The following PEBP4 variants were observed in gnomAD, a reference collection of about 807,000 sequenced individuals.
PEBP4 encodes phosphatidylethanolamine binding protein 4.
A neutral mutation model predicts 23.9 loss-of-function variants in PEBP4; 22 were observed. That is an observed-to-expected ratio of 0.92 (90% CI 0.66 to 1.31). PEBP4 has a LOEUF of 1.31. PEBP4 is among the 40% of genes most tolerant of loss of function. The probability of loss-of-function intolerance (pLI) is 0.00; values close to 1 mark genes in which losing one functional copy is unlikely to be tolerated. For synonymous variants in PEBP4, 112 were observed against 99.3 expected (o/e 1.13, Z -0.76); for missense variants, 324 against 281.7 (o/e 1.15, Z -1.07).
At chr8:22,888,464 G>A (rs887349400) in intron 3 of PEBP4, among the ~76,000 whole-genome samples, 7 of 152,132 alleles carry the variant, frequency 4.6e-5, no homozygotes, top group South Asian at 2.1e-4. Context: ...TAAAAGGACC[G>A]GCCACGGGAG....
chr8:22,728,788 G>C (rs1804676742), intron 4 of PEBP4, among the ~76,000 whole-genome samples: 1 of 152,076 alleles, frequency 6.6e-6, no homozygotes, highest in Non-Finnish European at 1.5e-5. Context: ...AGCAGAGATG[G>C]GGTTTTACTA....
chr8:22,774,315 A>G (rs1805773912), intron 4 of PEBP4, among the ~76,000 whole-genome samples: 1 of 152,182 alleles, frequency 6.6e-6, no homozygotes, highest in African/African-American at 2.4e-5. Context: ...CTAGGATGTT[A>G]AGGACTCAAT....
At chr8:22,836,607 G>A (rs1205689743) in intron 3 of PEBP4, among the ~76,000 whole-genome samples, 1 of 152,214 alleles carries the variant, frequency 6.6e-6, no homozygotes, top group Non-Finnish European at 1.5e-5. Flanking sequence ...CTCTCGCCTG[G>A]CTCACATGGC....
intron 3 of PEBP4, 131 bp downstream of exon 3, chr8:22,920,053 A>T: frequency 9.1e-7 from 1 of 1,097,350 alleles, no homozygotes. Context: ...TTATGGCAAC[A>T]GCCATCTGCA....
chr8:22,940,796 C>G (rs374712837), intron 1 of PEBP4, among the ~76,000 whole-genome samples: 1 of 152,280 alleles, frequency 6.6e-6, no homozygotes, highest in East Asian at 1.9e-4. Flanking sequence ...GCCTTTACCA[C>G]GAATTTCTAA....
intron 3 of PEBP4, among the ~76,000 whole-genome samples, chr8:22,867,150 C>T (rs111385465): frequency 6.6e-6 from 1 of 152,146 alleles, no homozygotes; most frequent in Admixed American, 6.5e-5. Context: ...CCTTGAAGAC[C>T]TAAGAGAGCC....
intron 4 of PEBP4, among the ~76,000 whole-genome samples, chr8:22,803,215 C>T (rs146941370): frequency 2.1e-4 from 32 of 152,238 alleles, no homozygotes; most frequent in African/African-American, 7.0e-4. Context: ...CTCTGGCAGA[C>T]GACTTCTCCT....
intron 2 of PEBP4, among the ~76,000 whole-genome samples, chr8:22,926,418 C>T (rs935777421): frequency 7.9e-5 from 12 of 152,244 alleles, no homozygotes; most frequent in Admixed American, 2.0e-4. Context: ...AATCATGGCT[C>T]AGACCAGCCT....
Position 22,713,362 on chromosome 8 carries a change from C to CCGGCTATCTAGCAGG in PEBP4, c.677_*7dup. 7 of 1,569,766 alleles carry CCGGCTATCTAGCAGG rather than the reference C, an allele frequency of 4.5e-6. No homozygotes were observed. Among genetic ancestry groups the CCGGCTATCTAGCAGG allele is most frequent in the Non-Finnish European group, 6.0e-6 (7 of 1,158,668 alleles). ...GTGGCCACATGCCCGGATGGCAAAG[C>CCGGCTATCTAGCAGG]CGGCTATCTAGCAGGCAGCTATCTC... On this transcript the variant is annotated 3_prime_UTR_variant, in exon 7 of 7. Coordinates refer to ENST00000256404, the MANE Select transcript of PEBP4 (RefSeq NM_144962.3).
upstream of PEBP4, among the ~76,000 whole-genome samples, chr8:22,929,129 C>T (rs1424266161): frequency 1.3e-5 from 2 of 152,210 alleles, no homozygotes; most frequent in Non-Finnish European, 2.9e-5. Context: ...AGGTTAAGCC[C>T]TCAGTAAGGT....
In PEBP4 at chr8:22,782,009, G is replaced by A. The variant is rs1398999955; in HGVS notation, c.357+35628C>T. Among the ~76,000 whole-genome samples the A allele has an allele frequency of 5.9e-5, 9 of 152,328 alleles. No homozygotes were observed. In the East Asian group the frequency reaches 1.5e-3, roughly 26 times the overall value. ...CTCTTTAATCTCAGCAGCCATGGTG[G>A]GTGAGAGGATCTGGGATTCCGTCTT... On this transcript the variant is annotated intron_variant, in intron 4 of 6. Coordinates refer to ENST00000256404, the MANE Select transcript of PEBP4 (RefSeq NM_144962.3).
intron 1 of PEBP4, 38 bp downstream of exon 1, chr8:22,927,785 G>A: frequency 6.3e-7 from 1 of 1,592,936 alleles, no homozygotes; most frequent in Non-Finnish European, 8.5e-7. Context: ...CACTACCTGT[G>A]CCCCCGACCC....
At chr8:22,843,180 T>C (rs1295644774) in intron 3 of PEBP4, among the ~76,000 whole-genome samples, 1 of 151,882 alleles carries the variant, frequency 6.6e-6, no homozygotes, top group Non-Finnish European at 1.5e-5. Flanking sequence ...GCCAGGCTGG[T>C]CTTGAACTCC....
At chr8:22,876,364 G>C (rs532582567) in intron 3 of PEBP4, among the ~76,000 whole-genome samples, 1 of 152,022 alleles carries the variant, frequency 6.6e-6, no homozygotes, top group Non-Finnish European at 1.5e-5. Flanking sequence ...CAGTGCATAC[G>C]GCCCATGGTG....
intron 3 of PEBP4, among the ~76,000 whole-genome samples, chr8:22,825,774 T>A (rs1806954595): frequency 6.6e-6 from 1 of 152,084 alleles, no homozygotes; most frequent in South Asian, 2.1e-4. Flanking sequence ...ATAGCCAGGA[T>A]GAGGAAACAG....
intron 3 of PEBP4, among the ~76,000 whole-genome samples, chr8:22,892,052 G>A (rs1362261663): frequency 4.0e-5 from 6 of 150,852 alleles, no homozygotes; most frequent in East Asian, 3.9e-4. Flanking sequence ...CGGCCTGGGC[G>A]AAAGAGCAAG....
intron 1 of PEBP4, among the ~76,000 whole-genome samples, chr8:22,940,072 T>A (rs1809589465): frequency 6.6e-6 from 1 of 152,202 alleles, no homozygotes; most frequent in Non-Finnish European, 1.5e-5. Context: ...GTTTTGTCCA[T>A]CTGGTGGAGG....
chr8:22,794,972 A>G (rs2128757533), intron 4 of PEBP4, among the ~76,000 whole-genome samples: 1 of 151,892 alleles, frequency 6.6e-6, no homozygotes, highest in East Asian at 1.9e-4. Flanking sequence ...TAAACCATTT[A>G]TGGAATAATC....
chr8:22,833,434 C>A (rs973347462), intron 3 of PEBP4, among the ~76,000 whole-genome samples: 1 of 152,162 alleles, frequency 6.6e-6, no homozygotes, highest in African/African-American at 2.4e-5. Context: ...AGGGTTCAAG[C>A]GAGTCTTCTG....
Sources: allele counts gnomAD v4.1 joint callset (sites outside exome capture counted in the v4.1 genomes callset), GRCh38; gene constraint gnomAD v4.1.1; transcripts MANE v1.5; gene names NCBI Gene and HGNC (gene_info 2026-07-23, HGNC 2026-07-21).